The following NPAS4 variants were observed in gnomAD, a reference collection of about 807,000 sequenced individuals.
The protein encoded by NPAS4 is neuronal PAS domain protein 4.
In NPAS4, 10 loss-of-function variants were observed where a neutral mutation model predicts 64.0. The observed-to-expected ratio is 0.16, with a 90% confidence interval of 0.10 to 0.26. NPAS4 has a LOEUF of 0.26. NPAS4 is among the 10% of genes least tolerant of loss of function. The pLI, the probability that NPAS4 is intolerant of heterozygous loss-of-function variation, is 1.00. For missense variants in NPAS4, 886 were observed against 992.6 expected (o/e 0.89, Z 1.44); for synonymous variants, 441 against 411.7 (o/e 1.07, Z -0.86).
upstream of NPAS4, among the ~76,000 whole-genome samples, chr11:66,418,212 C>A (rs1048856939): frequency 6.6e-6 from 1 of 152,160 alleles, no homozygotes; most frequent in African/African-American, 2.4e-5. Flanking sequence ...TCTGATGCCT[C>A]CCCCATCTCA....
upstream of NPAS4, chr11:66,416,885 C>T (rs927016359): frequency 2.0e-5 from 3 of 152,150 alleles, no homozygotes; most frequent in African/African-American, 7.2e-5. Flanking sequence ...CAGGAGTCTC[C>T]ATGCTGTTCT....
the NPAS4 span, among the ~76,000 whole-genome samples, chr11:66,414,754 C>T: frequency 1.3e-5 from 2 of 152,216 alleles, no homozygotes; most frequent in Non-Finnish European, 2.9e-5. Context: ...CCTATTCTCA[C>T]TGCACTGACC....
chr11:66,421,813 C>T (rs1214525283), intron 1 of NPAS4, among the ~76,000 whole-genome samples: 2 of 152,198 alleles, frequency 1.3e-5, no homozygotes, highest in African/African-American at 4.8e-5. Flanking sequence ...GGTTCTGAAC[C>T]CACAGTCGGC....
rs772926889 is a variant in NPAS4 at position 66,423,816 on chromosome 11, C to G, written c.945-19C>G. ...ATGGACGTCGGACCCTTACCAGCTGCCTCTTCTCTCCTCTCCAGTGACATG... is the reference window on the plus strand; with the variant it reads ...ATGGACGTCGGACCCTTACCAGCTGGCTCTTCTCTCCTCTCCAGTGACATG... On this transcript the variant is annotated intron_variant, in intron 6 of 7. Coordinates refer to ENST00000311034, the MANE Select transcript of NPAS4 (RefSeq NM_178864.4). 2 of 1,600,512 alleles carry G rather than the reference C, an allele frequency of 1.2e-6. No homozygotes were observed. The highest frequency in any genetic ancestry group is 1.7e-4 in the Middle Eastern group (1 of 5,990).
chr11:66,418,661 C>G (rs559662747), upstream of NPAS4, among the ~76,000 whole-genome samples: 4 of 152,284 alleles, frequency 2.6e-5, no homozygotes, highest in East Asian at 7.7e-4. Flanking sequence ...CTGGAAAAAG[C>G]CAGGGGCTCT....
intron 7 of NPAS4, among the ~76,000 whole-genome samples, chr11:66,425,655 A>G (rs1042667044): frequency 3.3e-5 from 5 of 152,204 alleles, no homozygotes; most frequent in Admixed American, 2.0e-4. Context: ...GCTCTATCCT[A>G]GTATCCTAGC....
intron 7 of NPAS4, among the ~76,000 whole-genome samples, chr11:66,425,475 G>A (rs1037252013): frequency 6.6e-6 from 1 of 152,084 alleles, no homozygotes; most frequent in Non-Finnish European, 1.5e-5. Context: ...CAGGGGTTGG[G>A]GCTGTGGGAT....
chr11:66,423,188 A>T lies in NPAS4; in HGVS notation c.764A>T (p.His255Leu). The T allele has an allele frequency of 6.2e-7, 1 of 1,610,482 alleles. No individual in the cohort carries two copies. Among genetic ancestry groups the T allele is most frequent in the Non-Finnish European group, 8.5e-7 (1 of 1,178,038 alleles). ...LLCKSWYGLL[H>L]PEDLAHASAQ... is the part of the protein sequence containing the mutation. ...TGTAAATCATGGTATGGACTGCTGC[A>T]CCCCGAGGACCTGGCCCACGCTTCT... The change falls in exon 5 of 8, where the codon CAC (histidine) becomes CTC (leucine). Residue 255 changes from histidine (H) to leucine (L), a missense_variant. His to Leu is a moderately conservative substitution (Grantham distance 99). Transcript: ENST00000311034.
At chr11:66,423,799 C>T (rs527959196) in intron 6 of NPAS4, 36 bp from the exon 7 acceptor site, 20 of 1,600,332 alleles carry the variant, frequency 1.2e-5, no homozygotes, top group Middle Eastern at 1.7e-4. Flanking sequence ...ATATGGACGT[C>T]GGACCCTTAC....
rs774631742 is a variant in NPAS4, at chr11:66,423,143, T to G, written c.719T>G (p.Phe240Cys). The change falls in exon 5 of 8, where the codon TTT (phenylalanine) becomes TGT (cysteine). Residue 240 changes from phenylalanine to cysteine, a missense_variant. Phe to Cys is a radical substitution (Grantham distance 205). Around this residue, in one of 3 missense-constraint regions of NPAS4, gnomAD observed 820 missense variants for 855.5 expected, o/e 0.96. Coordinates refer to ENST00000311034, the MANE Select transcript of NPAS4 (RefSeq NM_178864.4). ...ISESVLIYLG[F>C]ERSELLCKSW... Reference sequence around the variant, plus strand: ...CCCAGTGTCCTAATCTACCTGGGCTTTGAGCGCAGTGAACTGCTTTGTAAA... The same window carrying G: ...CCCAGTGTCCTAATCTACCTGGGCTGTGAGCGCAGTGAACTGCTTTGTAAA... The G allele has an allele frequency of 2.5e-6, 4 of 1,610,144 alleles. No individual in the cohort carries two copies. The African/African-American group carries it at 4.0e-5, about 16-fold the overall frequency.
At chr11:66,417,462 G>A (rs754059085), upstream of NPAS4, among the ~76,000 whole-genome samples, 2 of 152,138 alleles carry the variant, frequency 1.3e-5, no homozygotes, top group Admixed American at 1.3e-4. Context: ...AAAGGGAGAG[G>A]TCATGTGGGG....
At chr11:66,412,945 C>G in the NPAS4 span, among the ~76,000 whole-genome samples, 1 of 152,254 alleles carries the variant, frequency 6.6e-6, no homozygotes, top group Non-Finnish European at 1.5e-5. Flanking sequence ...GCCTCCTCTT[C>G]TCTGAGGAAC....
At chr11:66,415,843 C>T in the NPAS4 span, among the ~76,000 whole-genome samples, 1 of 152,210 alleles carries the variant, frequency 6.6e-6, no homozygotes, top group African/African-American at 2.4e-5. Flanking sequence ...TCAGTCAAGG[C>T]TGGGTGTCGT....
rs376715375 is a variant in NPAS4 at position 66,422,087 on chromosome 11, A to T, written c.176-33A>T. 9.9e-5 allele frequency: 159 copies of T among 1,603,810 alleles called. 1 individual carries two copies. The African/African-American group carries it at 2.1e-3, about 21-fold the overall frequency. On this transcript the variant is annotated intron_variant, in intron 1 of 7. Transcript: ENST00000311034. Reference sequence around the variant, plus strand: ...CACTTCTTCTCTGCCTCCCAGTCTTACTCCTGACGCACTACGTCTTCTCGC... The same window carrying T: ...CACTTCTTCTCTGCCTCCCAGTCTTTCTCCTGACGCACTACGTCTTCTCGC...
At chr11:66,422,297 G>C (rs368937040) in intron 2 of NPAS4, 26 bp downstream of exon 2, 2 of 1,612,898 alleles carry the variant, frequency 1.2e-6, no homozygotes, top group Non-Finnish European at 1.7e-6. Flanking sequence ...CCTTTCAGCT[G>C]AGGCTGGGCA....
At chr11:66,425,751 C>T (rs1160094362) in intron 7 of NPAS4, among the ~76,000 whole-genome samples, 1 of 152,168 alleles carries the variant, frequency 6.6e-6, no homozygotes, top group Non-Finnish European at 1.5e-5. Context: ...GAGGTAGCTC[C>T]CTGGTTACAG....
rs777778090 is a variant in NPAS4 at position 66,421,129 on chromosome 11, C to A, written c.-51C>A. 5 of 1,511,384 alleles carry A rather than the reference C, an allele frequency of 3.3e-6. No homozygotes were observed. The South Asian group carries it at 4.8e-5, about 14-fold the overall frequency. The allele number at this position is 1,511,384 out of a possible 1,614,324, so 93.6% of individuals were successfully genotyped here. ...GGAGGAAGCCGCCGGTGCGTCGGGA[C>A]GGGAGCGCAGGTGCTCGGGCACCCG... On this transcript the variant is annotated 5_prime_UTR_variant, in exon 1 of 8. Coordinates refer to ENST00000311034, the MANE Select transcript of NPAS4 (RefSeq NM_178864.4).
rs368915421 is a variant in NPAS4, at chr11:66,425,078, G to A, written c.2188G>A (p.Asp730Asn). Residue 730 changes from aspartate (D) to asparagine (N), a missense_variant, in exon 7 of 8, where the codon GAT becomes AAT. Coordinates refer to ENST00000311034, the MANE Select transcript of NPAS4 (RefSeq NM_178864.4). Reference protein sequence around the residue: ...PDPSEEWGSGDPEAEGPGGAP... With the variant: ...PDPSEEWGSGNPEAEGPGGAP... ...TCCCAGTGAGGAATGGGGCTCAGGG[G>A]ATCCTGAGGCAGAGGGCCCAGGAGG... The A allele has an allele frequency of 1.2e-6, 2 of 1,604,310 alleles. No individual in the cohort carries two copies. The highest frequency in any genetic ancestry group is 1.7e-6 in the Non-Finnish European group (2 of 1,176,050).
upstream of NPAS4, among the ~76,000 whole-genome samples, chr11:66,417,369 T>A (rs1283801921): frequency 6.6e-6 from 1 of 152,048 alleles, no homozygotes; most frequent in East Asian, 1.9e-4. Flanking sequence ...AAAGCCCTTC[T>A]CTTCTCTCAG....
Sources: allele counts gnomAD v4.1 joint callset (sites outside exome capture counted in the v4.1 genomes callset), GRCh38; gene constraint gnomAD v4.1.1; regional missense constraint gnomAD v4.1.1; transcripts MANE v1.5; gene names NCBI Gene and HGNC (gene_info 2026-07-23, HGNC 2026-07-21).